MED15: variants seen among roughly 807,000 people sequenced by gnomAD.
MED15 encodes mediator of RNA polymerase II transcription subunit 15.
In MED15, 41 loss-of-function variants were observed where a neutral mutation model predicts 118.7. The ratio of observed to expected loss-of-function variants is 0.35; its 90% CI spans 0.27 to 0.45. The LOEUF (loss-of-function observed/expected upper bound fraction) is 0.45. Ranked by LOEUF, MED15 falls within the 20% of genes least tolerant of loss-of-function variation. The probability of loss-of-function intolerance (pLI) is 1.00; values close to 1 mark genes in which losing one functional copy is unlikely to be tolerated. For synonymous variants in MED15, 436 were observed against 413.9 expected (o/e 1.05, Z -0.65); for missense variants, 740 against 1,025.5 (o/e 0.72, Z 3.80).
chr22:20,581,129 C>A (rs1055050004), intron 9 of MED15, among the ~76,000 whole-genome samples: 2 of 152,358 alleles, frequency 1.3e-5, no homozygotes, highest in South Asian at 4.1e-4. Flanking sequence ...CCCCCCACCC[C>A]CTGGTCTCCC....
At chr22:20,554,106 A>C (rs1344578208) in intron 4 of MED15, 1 of 152,326 alleles carries the variant, frequency 6.6e-6, no homozygotes, top group African/African-American at 2.4e-5. Flanking sequence ...GTCTCTGCCC[A>C]TGTGGGTCTC....
At chr22:20,575,753 T>C (rs2056804897) in intron 9 of MED15, among the ~76,000 whole-genome samples, 1 of 143,004 alleles carries the variant, frequency 7.0e-6, no homozygotes, top group African/African-American at 2.5e-5. Context: ...TATAAATGTA[T>C]ATATATTTTA....
chr22:20,516,119 C>A (rs1421854218), intron 1 of MED15, among the ~76,000 whole-genome samples: 4 of 151,894 alleles, frequency 2.6e-5, no homozygotes, highest in Non-Finnish European at 5.9e-5. Context: ...GAGTTCTAGA[C>A]CAGCCTCAAC....
chr22:20,545,975 C>T (rs1420475368), intron 2 of MED15, among the ~76,000 whole-genome samples: 1 of 152,210 alleles, frequency 6.6e-6, no homozygotes, highest in Non-Finnish European at 1.5e-5. Context: ...TCCCCACCCT[C>T]AGGGTTGTAT....
intron 8 of MED15, among the ~76,000 whole-genome samples, chr22:20,572,639 G>GC (rs362058): frequency 0.45 from 68,071 of 152,076 alleles, 15,594 homozygotes; most frequent in African/African-American, 0.51. Flanking sequence ...ACCAAGACAT[G>GC]CAGGCACAGT....
At chr22:20,541,232 C>T (rs888598598) in intron 2 of MED15, among the ~76,000 whole-genome samples, 4 of 151,800 alleles carry the variant, frequency 2.6e-5, no homozygotes, top group Non-Finnish European at 4.4e-5. Flanking sequence ...GAGTGAGACT[C>T]CGTCTCAAAA....
At chr22:20,519,864 A>G (rs1275705128) in intron 1 of MED15, among the ~76,000 whole-genome samples, 1 of 152,108 alleles carries the variant, frequency 6.6e-6, no homozygotes, top group Non-Finnish European at 1.5e-5. Flanking sequence ...CACTTTTACC[A>G]TCTTCCCATA....
intron 9 of MED15, among the ~76,000 whole-genome samples, chr22:20,576,550 A>G (rs1328623929): frequency 6.6e-6 from 1 of 152,290 alleles, no homozygotes. Flanking sequence ...CAGATGTGCC[A>G]TTCACATAGT....
rs759572287 is a variant in MED15, at chr22:20,585,750, G to A, written c.2154G>A (p.Val718=). ...CKLDDKDLPS[V]PPLELSVPAD... ...CAGATGACAAGGACCTCCCAAGTGT[G>A]CCACCACTGGAGCTCAGTGTGCCCG... Residue 718 remains valine, a synonymous_variant, in exon 17 of 18, where the codon GTG becomes GTA. Transcript: ENST00000263205. The A allele has an allele frequency of 6.2e-7, 1 of 1,613,400 alleles. No homozygotes were observed. The highest frequency in any genetic ancestry group is 1.1e-5 in the South Asian group (1 of 91,084).
intron 1 of MED15, chr22:20,508,107 GGGTGCTTCAT>G: frequency 7.1e-6 from 9 of 1,269,990 alleles, no homozygotes; most frequent in Non-Finnish European, 9.1e-6. Context: ...TAGCAGGGCT[GGGTGCTTCAT>G]GGTTTCTCTT....
intron 1 of MED15, among the ~76,000 whole-genome samples, chr22:20,527,690 G>T (rs2146399604): frequency 6.6e-6 from 1 of 152,182 alleles, no homozygotes; most frequent in African/African-American, 2.4e-5. Flanking sequence ...GGACGCAGTG[G>T]CTCACACCTG....
chr22:20,524,550 C>T (rs576171263), intron 1 of MED15, among the ~76,000 whole-genome samples: 2 of 152,260 alleles, frequency 1.3e-5, no homozygotes, highest in Non-Finnish European at 2.9e-5. Flanking sequence ...TCCTGAGGTC[C>T]CTTCAAACTC....
chr22:20,539,251 A>G (rs2055197977), intron 2 of MED15, among the ~76,000 whole-genome samples: 1 of 151,882 alleles, frequency 6.6e-6, no homozygotes, highest in Non-Finnish European at 1.5e-5. Context: ...GGTGTGTGCC[A>G]CCATGCCTGG....
intron 8 of MED15, among the ~76,000 whole-genome samples, chr22:20,571,836 A>T (rs532034726): frequency 1.3e-5 from 2 of 152,344 alleles, no homozygotes; most frequent in African/African-American, 4.8e-5. Flanking sequence ...AGAACCCAGA[A>T]AGTGGAGAGG....
At chr22:20,529,091 A>G (rs930956090) in intron 1 of MED15, among the ~76,000 whole-genome samples, 1 of 152,048 alleles carries the variant, frequency 6.6e-6, no homozygotes. Context: ...GTACGTTACC[A>G]CTGGGCCATC....
At chr22:20,531,981 T>TGGGGCAGGCGCA in intron 1 of MED15, among the ~76,000 whole-genome samples, 1 of 152,192 alleles carries the variant, frequency 6.6e-6, no homozygotes, top group Non-Finnish European at 1.5e-5. Context: ...GGAGAGTGTG[T>TGGGGCAGGCGCA]GGGGCAGGCG....
intron 1 of MED15, among the ~76,000 whole-genome samples, chr22:20,533,757 C>T (rs1188962129): frequency 1.3e-5 from 2 of 152,200 alleles, no homozygotes; most frequent in South Asian, 4.1e-4. Context: ...CCACAGTGTC[C>T]ATGTCATCTG....
intron 1 of MED15, chr22:20,508,207 G>A (rs770259907): frequency 1.5e-4 from 189 of 1,231,018 alleles, no homozygotes; most frequent in Non-Finnish European, 1.8e-4. Flanking sequence ...TAGTTGTTTG[G>A]GGTGTGGGCG....
intron 2 of MED15, among the ~76,000 whole-genome samples, chr22:20,542,496 C>A (rs968950612): frequency 6.6e-6 from 1 of 152,130 alleles, no homozygotes; most frequent in African/African-American, 2.4e-5. Flanking sequence ...TATAAAATGT[C>A]CAGAGAATAC....
Sources: gnomAD v4.1 joint callset for allele counts (sites outside exome capture counted in the v4.1 genomes callset) on GRCh38, gnomAD v4.1.1 for gene constraint, MANE v1.5 for transcripts, NCBI Gene and HGNC (gene_info 2026-07-23, HGNC 2026-07-21) for gene names.